Variants in COL18A1 observed in about 807,000 individuals in gnomAD.
COL18A1 encodes collagen type XVIII alpha 1 chain.
A neutral mutation model predicts 168.0 loss-of-function variants in COL18A1; 133 were observed. That is an observed-to-expected ratio of 0.79 (90% CI 0.69 to 0.91). The LOEUF is 0.91. Ranked by LOEUF, COL18A1 falls within the 40% of genes least tolerant of loss-of-function variation. COL18A1 has a pLI of 0.00. For missense variants in COL18A1, 2,126 were observed against 1,925.4 expected, an observed-to-expected ratio of 1.10 and a Z score of -1.95; for synonymous variants, 949 against 809.0, an observed-to-expected ratio of 1.17 and a Z score of -2.94.
At chr21:45,413,343 G>A (rs1033674025) in intron 2 of COL18A1, among the ~76,000 whole-genome samples, 7 of 152,260 alleles carry the variant, frequency 4.6e-5, no homozygotes, top group African/African-American at 1.7e-4. Context: ...GCAGGCCAGG[G>A]CGCCTGCACC....
intron 2 of COL18A1, among the ~76,000 whole-genome samples, chr21:45,439,643 G>C (rs2034314388): frequency 6.6e-6 from 1 of 152,248 alleles, no homozygotes; most frequent in African/African-American, 2.4e-5. Context: ...CCTGTGCGCG[G>C]GGCCTCCGGG....
chr21:45,415,212 T>G (rs1260490366), intron 2 of COL18A1, among the ~76,000 whole-genome samples: 1 of 152,160 alleles, frequency 6.6e-6, no homozygotes, highest in African/African-American at 2.4e-5. Context: ...GGCCACTCTG[T>G]GGGGCAGGAA....
At chr21:45,504,243 C>T in intron 33 of COL18A1, 173 bp from the exon 34 acceptor site, 1 of 886,442 alleles carries the variant, frequency 1.1e-6, no homozygotes. Flanking sequence ...TTTTGGGGGA[C>T]TCGGCTGATG....
At position 45,456,536 on chromosome 21, in the gene COL18A1, C is replaced by A. The variant is rs1568881564; in HGVS notation, c.107-11706C>A. On this transcript the variant is annotated intron_variant, in intron 2 of 41. Transcript: ENST00000651438. ...CGAGGCCCCCGCCGGTCGCTGCCTGCCCCTGCCACCCTCCCTGCCAGTCTG... is the reference window on the plus strand; with the variant it reads ...CGAGGCCCCCGCCGGTCGCTGCCTGACCCTGCCACCCTCCCTGCCAGTCTG... The A allele has an allele frequency of 2.6e-6, 4 of 1,548,180 alleles. No homozygotes were observed. In the Admixed American group the frequency reaches 7.9e-5, roughly 30 times the overall value.
chr21:45,504,608 G>A, intron 34 of COL18A1, 52 bp downstream of exon 34: 2 of 1,511,470 alleles, frequency 1.3e-6, no homozygotes, highest in Non-Finnish European at 1.8e-6. Context: ...TCTGGGTGCA[G>A]GAGCCGAGGG....
chr21:45,432,680 C>T (rs891655060), intron 2 of COL18A1, among the ~76,000 whole-genome samples: 4 of 152,212 alleles, frequency 2.6e-5, no homozygotes, highest in African/African-American at 4.8e-5. Context: ...TGATTGCTGG[C>T]GGGAATCTTG....
intron 3 of COL18A1, among the ~76,000 whole-genome samples, chr21:45,469,614 C>T (rs2035343276): frequency 6.6e-6 from 1 of 152,188 alleles, no homozygotes; most frequent in Non-Finnish European, 1.5e-5. Context: ...TGTCCAAAGC[C>T]CCTGCATTTC....
chr21:45,495,206 GA>G (rs952982329), intron 28 of COL18A1, 151 bp from the exon 29 acceptor site: 13 of 716,342 alleles, frequency 1.8e-5, no homozygotes, highest in African/African-American at 5.2e-5. Context: ...GGAAAGGGGT[GA>G]GAAGGGCCGG....
intron 2 of COL18A1, among the ~76,000 whole-genome samples, chr21:45,440,802 A>C (rs2034350659): frequency 6.6e-6 from 1 of 151,820 alleles, no homozygotes; most frequent in African/African-American, 2.4e-5. Context: ...TCGATGCCGG[A>C]CTCCGCCCCA....
chr21:45,500,322 T>TGTG (rs2036719227), intron 32 of COL18A1, among the ~76,000 whole-genome samples: 1 of 57,548 alleles, frequency 1.7e-5, no homozygotes, highest in Admixed American at 2.4e-4. Flanking sequence ...AGTGGGGGTG[T>TGTG]GAGGGGTGTG....
At chr21:45,462,647 TTTC>T (rs1326279903) in intron 2 of COL18A1, among the ~76,000 whole-genome samples, 28 of 152,342 alleles carry the variant, frequency 1.8e-4, no homozygotes, top group Middle Eastern at 6.8e-3. Flanking sequence ...CATACATCAC[TTTC>T]TTGACTTTCT....
chr21:45,444,866 A>C (rs557141372), intron 2 of COL18A1, among the ~76,000 whole-genome samples: 26 of 152,184 alleles, frequency 1.7e-4, no homozygotes, highest in Non-Finnish European at 3.2e-4. Context: ...CATCAAATAC[A>C]TGAAAAAAAT....
In COL18A1 at chr21:45,423,302, G is replaced by C. The variant is rs1371194760; in HGVS notation, c.106+17829G>C. Among the ~76,000 whole-genome samples the C allele has an allele frequency of 6.6e-6, 1 of 152,212 alleles. No homozygotes were observed. Among genetic ancestry groups the C allele is most frequent in the Non-Finnish European group, 1.5e-5 (1 of 68,036 alleles). ...CGGTCTGGTCCCTGAGTGTTGGCTG[G>C]TCCACTTCCTGAGCGTTGGCCAGCT... On this transcript the variant is annotated intron_variant, in intron 2 of 41. Transcript: ENST00000651438. This position sits in a 1 kb window ranked among gnomAD's most constrained non-coding sequence, Gnocchi z 4.0.
intron 37 of COL18A1, chr21:45,506,337 A>T: frequency 5.6e-6 from 2 of 359,572 alleles, no homozygotes; most frequent in Non-Finnish European, 1.1e-5. Flanking sequence ...TGACGTCCAC[A>T]GCACGGCCCC....
chr21:45,476,153 C>T (rs1380759979), intron 5 of COL18A1, among the ~76,000 whole-genome samples, 198 bp from the exon 6 acceptor site: 2 of 152,086 alleles, frequency 1.3e-5, no homozygotes, highest in South Asian at 2.1e-4. Flanking sequence ...CCTGGGGAGC[C>T]GGGGAGCCCA....
chr21:45,438,032 A>G, intron 2 of COL18A1, among the ~76,000 whole-genome samples: 1 of 125,776 alleles, frequency 8.0e-6, no homozygotes, highest in Non-Finnish European at 1.6e-5. Context: ...TCACACACAG[A>G]CACACAGGCA....
At chr21:45,434,030 AGCCAGGTGTGTGAGCAGGTGCATGG>A (rs1353979586) in intron 2 of COL18A1, among the ~76,000 whole-genome samples, 45 of 53,120 alleles carry the variant, frequency 8.5e-4, no homozygotes, top group South Asian at 1.5e-3. Context: ...CAGGTGCATG[AGCCAGGTGTGTGAGCAGGTGCATGG>A]GCCAGGTGTG....
At chr21:45,451,734 C>T (rs2034627423) in intron 2 of COL18A1, among the ~76,000 whole-genome samples, 1 of 152,196 alleles carries the variant, frequency 6.6e-6, no homozygotes, top group South Asian at 2.1e-4. Flanking sequence ...GGCCTCAAGG[C>T]AATAGGGTGG....
At chr21:45,413,124 A>G (rs1378505423) in intron 2 of COL18A1, among the ~76,000 whole-genome samples, 2 of 151,862 alleles carry the variant, frequency 1.3e-5, no homozygotes, top group Non-Finnish European at 2.9e-5. Flanking sequence ...TCTAGGGGGG[A>G]CGCCACAGTG....
Sources: gnomAD v4.1 joint callset for allele counts (sites outside exome capture counted in the v4.1 genomes callset) on GRCh38, gnomAD v4.1.1 for gene constraint, Gnocchi (gnomAD v3.1) non-coding constraint, MANE v1.5 for transcripts, NCBI Gene and HGNC (gene_info 2026-07-23, HGNC 2026-07-21) for gene names.